Variants in PEBP4 observed in about 807,000 individuals in gnomAD.
PEBP4 encodes the protein phosphatidylethanolamine-binding protein 4.
A neutral mutation model predicts 23.9 loss-of-function variants in PEBP4; 22 were observed. The observed-to-expected ratio is 0.92, with a 90% CI of 0.66 to 1.31. PEBP4 has a LOEUF of 1.31. PEBP4 is among the 40% of genes most tolerant of loss of function. The pLI is 0.00. For missense variants in PEBP4, 324 were observed against 281.7 expected, an observed-to-expected ratio of 1.15 and a Z score of -1.07; for synonymous variants, 112 against 99.3, an observed-to-expected ratio of 1.13 and a Z score of -0.76.
chr8:22,739,943 C>G (rs570698599), intron 4 of PEBP4, among the ~76,000 whole-genome samples: 2 of 152,324 alleles, frequency 1.3e-5, no homozygotes, highest in South Asian at 4.1e-4. Context: ...AGAGCCTCGA[C>G]TGTGGCTCTT....
intron 4 of PEBP4, among the ~76,000 whole-genome samples, chr8:22,750,013 T>C (rs1405763774): frequency 2.0e-5 from 3 of 151,820 alleles, no homozygotes; most frequent in African/African-American, 7.3e-5. Flanking sequence ...TCCGTGTTGG[T>C]CAGGTTGGTC....
intron 4 of PEBP4, among the ~76,000 whole-genome samples, chr8:22,763,150 G>T (rs1563208498): frequency 6.6e-6 from 1 of 152,104 alleles, no homozygotes; most frequent in Non-Finnish European, 1.5e-5. Context: ...GATTACAGGT[G>T]CATGCCACCA....
chr8:22,846,017 A>G (rs1356689185), intron 3 of PEBP4, among the ~76,000 whole-genome samples: 5 of 152,224 alleles, frequency 3.3e-5, no homozygotes, highest in Admixed American at 3.3e-4. Context: ...GACAGCCGCT[A>G]AGTGGGGGTA....
At chr8:22,919,807 G>A (rs1428270532) in intron 3 of PEBP4, among the ~76,000 whole-genome samples, 2 of 152,160 alleles carry the variant, frequency 1.3e-5, no homozygotes, top group African/African-American at 4.8e-5. Context: ...CCTTGAGAGA[G>A]GACTCCTCCC....
chr8:22,818,318 T>TA (rs1275118774), intron 3 of PEBP4, among the ~76,000 whole-genome samples: 1 of 151,772 alleles, frequency 6.6e-6, no homozygotes, highest in Non-Finnish European at 1.5e-5. Flanking sequence ...ACGCAGATAA[T>TA]AAAAATAAAT....
chr8:22,721,239 G>C (rs1241666485), intron 6 of PEBP4, among the ~76,000 whole-genome samples: 2 of 152,142 alleles, frequency 1.3e-5, no homozygotes, highest in Non-Finnish European at 2.9e-5. Flanking sequence ...TCAATTTCAG[G>C]TCATTCAATT....
intron 3 of PEBP4, among the ~76,000 whole-genome samples, chr8:22,848,085 T>C (rs1258730059): frequency 2.6e-5 from 4 of 152,222 alleles, no homozygotes; most frequent in African/African-American, 4.8e-5. Flanking sequence ...AGCCGTTTTA[T>C]GCCTCATTAC....
chr8:22,780,175 G>T (rs899570394), intron 4 of PEBP4, among the ~76,000 whole-genome samples: 7 of 152,082 alleles, frequency 4.6e-5, no homozygotes, highest in Non-Finnish European at 8.8e-5. Flanking sequence ...TGTTGCTCAG[G>T]CTGGTCTCAA....
At chr8:22,809,359 G>A (rs1024308169) in intron 4 of PEBP4, among the ~76,000 whole-genome samples, 15 of 152,148 alleles carry the variant, frequency 9.9e-5, no homozygotes, top group African/African-American at 3.6e-4. Context: ...GCTGAGGCAG[G>A]TGTGGCTAGA....
At chr8:22,722,430 C>A (rs1804536871) in intron 6 of PEBP4, among the ~76,000 whole-genome samples, 1 of 152,154 alleles carries the variant, frequency 6.6e-6, no homozygotes. Context: ...GTCCAGATTG[C>A]CTCACTCTAC....
At chr8:22,879,551 G>A (rs1808199734) in intron 3 of PEBP4, 1 of 152,166 alleles carries the variant, frequency 6.6e-6, no homozygotes, top group Non-Finnish European at 1.5e-5. Context: ...AGCAACTGAG[G>A]TCCAGATAGG....
chr8:22,826,624 G>T (rs1451881218), intron 3 of PEBP4, among the ~76,000 whole-genome samples: 1 of 152,170 alleles, frequency 6.6e-6, no homozygotes. Context: ...AGCTCTCCAG[G>T]ATAACTTTAG....
intron 4 of PEBP4, among the ~76,000 whole-genome samples, chr8:22,808,324 T>C (rs28754491): frequency 0.27 from 41,774 of 152,092 alleles, 6,014 homozygotes; most frequent in South Asian, 0.38. Context: ...CCTCTATCCA[T>C]TCACCCACTC....
At chr8:22,898,386 C>T (rs1313312014) in intron 3 of PEBP4, among the ~76,000 whole-genome samples, 1 of 46,644 alleles carries the variant, frequency 2.1e-5, no homozygotes, top group Non-Finnish European at 3.9e-5. Flanking sequence ...AGGAAGACTC[C>T]ACCCCAAAAA....
intron 3 of PEBP4, among the ~76,000 whole-genome samples, chr8:22,856,119 C>T (rs1312759397): frequency 7.0e-6 from 1 of 143,092 alleles, no homozygotes; most frequent in African/African-American, 2.6e-5. Flanking sequence ...ATATTTGTAA[C>T]ATATATGATG....
intron 3 of PEBP4, among the ~76,000 whole-genome samples, chr8:22,830,300 TTGTGTG>T (rs557261932): frequency 6.7e-6 from 1 of 148,590 alleles, no homozygotes; most frequent in Non-Finnish European, 1.5e-5. Flanking sequence ...TGGCTAATTT[TTGTGTG>T]TGTGTGTGTG....
intron 4 of PEBP4, among the ~76,000 whole-genome samples, chr8:22,731,784 G>A (rs1038948789): frequency 6.0e-5 from 9 of 151,060 alleles, no homozygotes; most frequent in African/African-American, 1.2e-4. Flanking sequence ...TCAGCCTCCC[G>A]AGTAGCTGGG....
intron 3 of PEBP4, among the ~76,000 whole-genome samples, chr8:22,859,177 C>T (rs1056002936): frequency 2.0e-5 from 3 of 152,188 alleles, no homozygotes; most frequent in Non-Finnish European, 2.9e-5. Context: ...CAAACTACGG[C>T]AGCACCTATC....
At chr8:22,909,511 T>C (rs1163359267) in intron 3 of PEBP4, among the ~76,000 whole-genome samples, 1 of 152,128 alleles carries the variant, frequency 6.6e-6, no homozygotes, top group Admixed American at 6.5e-5. Flanking sequence ...AAACCATTTG[T>C]AAAGGGAGGT....
Sources: gnomAD v4.1 joint callset for allele counts (sites outside exome capture counted in the v4.1 genomes callset) on GRCh38, gnomAD v4.1.1 for gene constraint, MANE v1.5 for transcripts, NCBI Gene and HGNC (gene_info 2026-07-23, HGNC 2026-07-21) for gene names.